Variants in PI4K2B observed in about 807,000 individuals in gnomAD.
The protein encoded by PI4K2B is phosphatidylinositol 4-kinase type 2 beta, also known as phosphatidylinositol 4-kinase type 2-beta.
In PI4K2B, 46 loss-of-function variants were observed where a neutral mutation model predicts 56.6. The observed-to-expected ratio is 0.81, with a 90% CI of 0.64 to 1.04. The LOEUF (loss-of-function observed/expected upper bound fraction) is 1.04, where lower values mean the gene tolerates loss of function less well. Among genes scored for constraint, PI4K2B ranks in the 50% least tolerant of loss-of-function variants. The pLI, the probability that PI4K2B is intolerant of heterozygous loss-of-function variation, is 0.00. For synonymous variants in PI4K2B, 211 were observed against 223.8 expected (o/e 0.94, Z 0.51); for missense variants, 556 against 607.7 (o/e 0.91, Z 0.89).
chr4:25,251,565 A>C (rs1329169220), intron 1 of PI4K2B, among the ~76,000 whole-genome samples: 1 of 152,120 alleles, frequency 6.6e-6, no homozygotes, highest in African/African-American at 2.4e-5. Flanking sequence ...AGTCCTTTGT[A>C]GGTTCTAGTA....
intron 3 of PI4K2B, among the ~76,000 whole-genome samples, chr4:25,255,557 G>A (rs971334591): frequency 6.6e-6 from 1 of 152,216 alleles, no homozygotes; most frequent in Non-Finnish European, 1.5e-5. Flanking sequence ...TCCTATTGAA[G>A]GCAGAGATAA....
chr4:25,261,289 TA>T (rs1162234139), intron 6 of PI4K2B, among the ~76,000 whole-genome samples: 1 of 152,098 alleles, frequency 6.6e-6, no homozygotes, highest in African/African-American at 2.4e-5. Flanking sequence ...CCACTGAACT[TA>T]AAAAAAGTAT....
intron 1 of PI4K2B, among the ~76,000 whole-genome samples, chr4:25,242,461 C>T (rs1414954007): frequency 6.6e-6 from 1 of 152,216 alleles, no homozygotes; most frequent in Non-Finnish European, 1.5e-5. Context: ...CAGGGGAATA[C>T]AGAAGAAGGC....
Position 25,234,169 on chromosome 4 carries a change from G to A in PI4K2B, c.6G>A (p.Glu2=), listed in dbSNP as rs1228300018. The A allele has an allele frequency of 2.9e-6, 4 of 1,377,528 alleles. No individual in the cohort carries two copies. The highest frequency in any genetic ancestry group is 3.8e-6 in the Non-Finnish European group (4 of 1,063,876). The allele number at this position is 1,377,528 out of a possible 1,614,324, so 85.3% of individuals were successfully genotyped here. ...GGAGGGAGCAGAGGGAGTCCATGGA[G>A]GATCCCTCCGAGCCCGACCGGTTGG... is the stretch of plus-strand genomic sequence containing the variant. M[E]DPSEPDRLAS... The change falls in exon 1 of 10, where the codon GAG becomes GAA. Residue 2 remains glutamate, a synonymous_variant. Coordinates refer to ENST00000264864, the MANE Select transcript of PI4K2B (RefSeq NM_018323.4).
intron 6 of PI4K2B, among the ~76,000 whole-genome samples, chr4:25,262,062 A>G (rs1443221488): frequency 6.6e-6 from 1 of 152,174 alleles, no homozygotes; most frequent in Non-Finnish European, 1.5e-5. Flanking sequence ...TTGGGACGCC[A>G]AGGTGGGAGG....
At chr4:25,267,607 G>T (rs1055229075) in intron 7 of PI4K2B, 2 of 184,630 alleles carry the variant, frequency 1.1e-5, no homozygotes, top group African/African-American at 4.8e-5. Context: ...ACCAAAGCTG[G>T]GGATTCTCAT....
intron 5 of PI4K2B, among the ~76,000 whole-genome samples, chr4:25,260,187 G>T (rs145777455): frequency 6.6e-6 from 1 of 152,202 alleles, no homozygotes; most frequent in African/African-American, 2.4e-5. Context: ...GGGGGTTAAT[G>T]CTTTTTCTTC....
chr4:25,241,753 T>C (rs1214877842), intron 1 of PI4K2B, among the ~76,000 whole-genome samples: 1 of 152,178 alleles, frequency 6.6e-6, no homozygotes, highest in Non-Finnish European at 1.5e-5. Context: ...CTTACTTAGG[T>C]ATGCCACTGG....
intron 1 of PI4K2B, among the ~76,000 whole-genome samples, chr4:25,246,789 C>T (rs313560): frequency 0.097 from 14,721 of 152,236 alleles, 816 homozygotes; most frequent in South Asian, 0.19. Flanking sequence ...AGCTAAGGCC[C>T]TGCGAGAAAT....
chr4:25,236,267 C>A (rs1339324226), intron 1 of PI4K2B, among the ~76,000 whole-genome samples: 1 of 149,156 alleles, frequency 6.7e-6, no homozygotes, highest in Non-Finnish European at 1.5e-5. Context: ...ATTTTATTCT[C>A]TGTTGGGTGC....
Position 25,252,210 on chromosome 4 carries a change from C to T in PI4K2B, c.269-111C>T, listed in dbSNP as rs1333085884. On this transcript the variant is annotated intron_variant, in intron 1 of 9. Coordinates refer to ENST00000264864, the MANE Select transcript of PI4K2B (RefSeq NM_018323.4). ...GGAAGGAGGATTAGAGCAGTCTATA[C>T]AAATCTTGATTACATTTTTCTGTAC... 8 of 634,630 alleles carry T rather than the reference C, an allele frequency of 1.3e-5. 1 individual carries two copies. The highest frequency in any genetic ancestry group is 1.1e-4 in the East Asian group (3 of 28,548). The allele number at this position is 634,630 out of a possible 1,614,324, so 39.3% of individuals were successfully genotyped here.
chr4:25,251,826 G>GTTGTTATTATTA lies in PI4K2B; in HGVS notation c.269-493_269-492insGTTATTATTATT, dbSNP rs1553889412. Among the ~76,000 whole-genome samples the GTTGTTATTATTA allele has an allele frequency of 5.0e-3, 759 of 150,616 alleles. 9 individuals are homozygous for GTTGTTATTATTA. The highest frequency in any genetic ancestry group is 0.018 in the African/African-American group (718 of 40,832). On this transcript the variant is annotated intron_variant, in intron 1 of 9. Coordinates refer to ENST00000264864, the MANE Select transcript of PI4K2B (RefSeq NM_018323.4). ...CTCCCATGTTGTTGTTGTTGTTGTT[G>GTTGTTATTATTA]TTATTATTATTATTTGGACGGTGTC...
intron 1 of PI4K2B, among the ~76,000 whole-genome samples, chr4:25,237,053 ACTT>A (rs1486814222): frequency 6.6e-6 from 1 of 152,182 alleles, no homozygotes; most frequent in Non-Finnish European, 1.5e-5. Context: ...CTTAACTCTT[ACTT>A]ATATAAGCAA....
At chr4:25,252,696 T>C (rs1716109227) in intron 2 of PI4K2B, among the ~76,000 whole-genome samples, 1 of 152,178 alleles carries the variant, frequency 6.6e-6, no homozygotes. Flanking sequence ...CACTGTAACC[T>C]TGACCACCTG....
chr4:25,258,282 A>G (rs1302773684), intron 4 of PI4K2B, among the ~76,000 whole-genome samples: 2 of 139,342 alleles, frequency 1.4e-5, no homozygotes, highest in Non-Finnish European at 3.0e-5. Context: ...ATCTTGGCTC[A>G]CTGTAACCTC....
chr4:25,274,395 A>AT (rs1264628378), intron 9 of PI4K2B, among the ~76,000 whole-genome samples: 1 of 152,094 alleles, frequency 6.6e-6, no homozygotes, highest in Admixed American at 6.6e-5. Context: ...GCTCCATTCT[A>AT]TTTTTTTAAA....
At chr4:25,260,637 T>TACAC (rs749689960) in intron 6 of PI4K2B, 46 bp downstream of exon 6, 103 of 49,622 alleles carry the variant, frequency 2.1e-3, no homozygotes, top group Non-Finnish European at 3.7e-3. Context: ...TATATATATA[T>TACAC]ATATACACAC....
At chr4:25,264,487 G>A (rs975010241) in intron 7 of PI4K2B, among the ~76,000 whole-genome samples, 6 of 122,718 alleles carry the variant, frequency 4.9e-5, no homozygotes, top group Non-Finnish European at 1.0e-4. Context: ...GACCAGGAGG[G>A]ATAAATAAAG....
chr4:25,256,814 A>G, intron 4 of PI4K2B, 140 bp downstream of exon 4: 1 of 768,796 alleles, frequency 1.3e-6, no homozygotes, highest in Non-Finnish European at 2.1e-6. Flanking sequence ...TAAACAGGTA[A>G]TTTTAGTGTA....
Sources: allele counts gnomAD v4.1 joint callset (sites outside exome capture counted in the v4.1 genomes callset), GRCh38; gene constraint gnomAD v4.1.1; transcripts MANE v1.5; gene names NCBI Gene and HGNC (gene_info 2026-07-23, HGNC 2026-07-21).